The following TOP2B variants were observed in gnomAD, a reference collection of about 807,000 sequenced individuals.
TOP2B encodes DNA topoisomerase II beta.
In TOP2B, 51 loss-of-function variants were observed where a neutral mutation model predicts 193.5. The observed-to-expected ratio is 0.26, with a 90% CI of 0.21 to 0.33. The LOEUF (loss-of-function observed/expected upper bound fraction) is 0.33, where lower values mean the gene tolerates loss of function less well. TOP2B is among the 10% of genes least tolerant of loss of function. TOP2B has a pLI of 1.00. For missense variants in TOP2B, 1,378 were observed against 1,909.3 expected (o/e 0.72, Z 5.19); for synonymous variants, 634 against 635.7 (o/e 1.00, Z 0.04).
At chr3:25,638,112 AT>A in intron 5 of TOP2B, 52 bp downstream of exon 5, 1 of 1,472,988 alleles carries the variant, frequency 6.8e-7, no homozygotes, top group Non-Finnish European at 9.2e-7. Flanking sequence ...TAAGTTATAC[AT>A]TTTATATTAA....
chr3:25,634,118 G>A lies in TOP2B; in HGVS notation c.853-104C>T, dbSNP rs1703036186. The A allele has an allele frequency of 1.1e-5, 9 of 842,106 alleles. No homozygotes were observed. In the South Asian group the frequency reaches 1.7e-4, roughly 16 times the overall value. The allele number at this position is 842,106 out of a possible 1,614,324, so 52.2% of individuals were successfully genotyped here. On this transcript the variant is annotated intron_variant, in intron 7 of 35. Transcript: ENST00000264331. ...CTTTCATTTCCTCTCACTTACAACA[G>A]TTCTAAGTGCACCGATCCAAACCTT...
At chr3:25,632,889 AAT>A in intron 8 of TOP2B, 95 bp from the exon 9 acceptor site, 1 of 1,050,666 alleles carries the variant, frequency 9.5e-7, no homozygotes, top group South Asian at 1.5e-5. Context: ...CTAAAAGAGT[AAT>A]AGAGTCTCAG....
Position 25,601,897 on chromosome 3 carries a change from A to G in TOP2B, c.4490-672T>C, listed in dbSNP as rs968677223. Among the ~76,000 whole-genome samples the G allele has an allele frequency of 6.6e-5, 10 of 152,192 alleles. No homozygotes were observed. The South Asian group carries it at 1.2e-3, about 19-fold the overall frequency. ...TAAGTCCTAACTTTTAGAATGTTTT[A>G]GAGAAAAAAATGTATGGGATCCTCG... On this transcript the variant is annotated intron_variant, in intron 33 of 35. Coordinates refer to ENST00000264331, the MANE Select transcript of TOP2B (RefSeq NM_001330700.2).
intron 1 of TOP2B, among the ~76,000 whole-genome samples, chr3:25,646,737 C>A (rs530055800): frequency 6.6e-6 from 1 of 152,192 alleles, no homozygotes; most frequent in Non-Finnish European, 1.5e-5. Flanking sequence ...AATTTCAATT[C>A]CGCTTTAAAG....
At chr3:25,612,437 C>A (rs1702396871) in intron 28 of TOP2B, 78 bp downstream of exon 28, 1 of 1,040,478 alleles carries the variant, frequency 9.6e-7, no homozygotes, top group Non-Finnish European at 1.3e-6. Flanking sequence ...ATGATTTAAA[C>A]ACGCATTAAA....
chr3:25,657,079 T>A (rs1703766839), intron 1 of TOP2B, among the ~76,000 whole-genome samples: 2 of 152,176 alleles, frequency 1.3e-5, no homozygotes, highest in African/African-American at 4.8e-5. Flanking sequence ...GTCTTTTACG[T>A]TCCCATTCTC....
intron 1 of TOP2B, among the ~76,000 whole-genome samples, chr3:25,661,044 A>G (rs947676829): frequency 7.2e-6 from 1 of 139,838 alleles, no homozygotes; most frequent in East Asian, 2.1e-4. Flanking sequence ...CTTGATGCCC[A>G]GGCTGGAGTG....
intron 33 of TOP2B, among the ~76,000 whole-genome samples, chr3:25,603,931 G>A (rs1052121704): frequency 1.3e-5 from 2 of 152,310 alleles, no homozygotes; most frequent in South Asian, 2.1e-4. Context: ...CTCAGGCAAC[G>A]AAAGGCAGAT....
chr3:25,620,441 TTAAA>T (rs1279427672), intron 22 of TOP2B, among the ~76,000 whole-genome samples: 2 of 152,120 alleles, frequency 1.3e-5, no homozygotes, highest in Admixed American at 6.5e-5. Context: ...TCCTTTTATT[TTAAA>T]TAAATACAAA....
intron 5 of TOP2B, among the ~76,000 whole-genome samples, 196 bp from the exon 6 acceptor site, chr3:25,637,508 A>C (rs1703137297): frequency 6.6e-6 from 1 of 152,058 alleles, no homozygotes; most frequent in South Asian, 2.1e-4. Flanking sequence ...TATATATAGT[A>C]GTGTAATTAA....
chr3:25,654,336 A>G (rs922614912), intron 1 of TOP2B, among the ~76,000 whole-genome samples: 3 of 152,204 alleles, frequency 2.0e-5, no homozygotes, highest in African/African-American at 7.2e-5. Context: ...CCCATTTACT[A>G]TAGCATCAAA....
At chr3:25,643,919 G>C in intron 2 of TOP2B, 135 bp from the exon 3 acceptor site, 2 of 578,162 alleles carry the variant, frequency 3.5e-6, no homozygotes, top group South Asian at 5.4e-5. Context: ...TACAACTTCA[G>C]TAATAGTCAA....
Position 25,657,844 on chromosome 3 carries a change from C to T in TOP2B, c.69+6385G>A, listed in dbSNP as rs183879037. The stretch of plus-strand genomic sequence containing the variant: ...TGGAAGGCTGAGGCAGGTGGATCAT[C>T]AGGTCAGGAGATCGAGACCATCCCG... On this transcript the variant is annotated intron_variant, in intron 1 of 35. Transcript: ENST00000264331. 1.9e-4 allele frequency among the ~76,000 whole-genome samples: 28 copies of T among 148,360 alleles called. No homozygotes were observed. The East Asian group carries it at 5.3e-3, about 28-fold the overall frequency.
chr3:25,599,779 T>A (rs1400605647), intron 34 of TOP2B, among the ~76,000 whole-genome samples: 1 of 152,202 alleles, frequency 6.6e-6, no homozygotes, highest in East Asian at 1.9e-4. Flanking sequence ...TAATGATGAA[T>A]CCCTTCATAC....
rs1701983783 is a variant in TOP2B, at chr3:25,598,361, A to ATATT, written c.4823_4826dup (p.Tyr1609Ter). ...CTTCTTCTTCATCAGACTCTGCAAA[A>ATATT]TATTTTACTTCTTTCCTAGCCCGAC... On this transcript the variant is annotated stop_gained and frameshift_variant, in exon 36 of 36. Transcript: ENST00000264331. LOFTEE classifies it high-confidence loss of function. 1.2e-6 allele frequency: 2 copies of ATATT among 1,613,362 alleles called. No individual in the cohort carries two copies. The highest frequency in any genetic ancestry group is 1.3e-5 in the African/African-American group (1 of 75,010).
chr3:25,628,782 T>C, intron 15 of TOP2B, 65 bp downstream of exon 15: 1 of 988,512 alleles, frequency 1.0e-6, no homozygotes, highest in South Asian at 1.7e-5. Flanking sequence ...AGTCATCTTT[T>C]AGATTGCTTT....
At chr3:25,651,323 T>TAAA (rs1703582250) in intron 1 of TOP2B, among the ~76,000 whole-genome samples, 1 of 151,806 alleles carries the variant, frequency 6.6e-6, no homozygotes, top group East Asian at 1.9e-4. Flanking sequence ...GGCATTGAAG[T>TAAA]TACTAATTTA....
At chr3:25,662,702 A>C (rs559711120) in intron 1 of TOP2B, among the ~76,000 whole-genome samples, 2 of 152,356 alleles carry the variant, frequency 1.3e-5, no homozygotes, top group South Asian at 4.1e-4. Flanking sequence ...ATAACAGTTA[A>C]TTAAAGTACT....
At chr3:25,663,761 CTTCT>C (rs1216642583) in intron 1 of TOP2B, among the ~76,000 whole-genome samples, 1 of 152,112 alleles carries the variant, frequency 6.6e-6, no homozygotes, top group Non-Finnish European at 1.5e-5. Flanking sequence ...CCAATGCATT[CTTCT>C]TTGAGATTAA....
Sources: allele counts gnomAD v4.1 joint callset (sites outside exome capture counted in the v4.1 genomes callset), GRCh38; gene constraint gnomAD v4.1.1; transcripts MANE v1.5; gene names NCBI Gene and HGNC (gene_info 2026-07-23, HGNC 2026-07-21).